PPP1R1C: variants seen among roughly 807,000 people sequenced by gnomAD.
PPP1R1C encodes protein phosphatase 1 regulatory subunit 1C.
PPP1R1C carries 15 observed loss-of-function variants against 17.4 expected under a neutral mutation model. The observed-to-expected ratio is 0.86, with a 90% CI of 0.58 to 1.33. PPP1R1C has a LOEUF of 1.33. PPP1R1C is among the 40% of genes most tolerant of loss of function. PPP1R1C has a pLI of 0.00. For missense variants in PPP1R1C, 143 were observed against 130.0 expected (o/e 1.10, Z -0.48); for synonymous variants, 35 against 43.1 (o/e 0.81, Z 0.73).
intron 2 of PPP1R1C, among the ~76,000 whole-genome samples, chr2:181,991,747 T>C (rs1335482623): frequency 6.6e-6 from 1 of 152,192 alleles, no homozygotes; most frequent in East Asian, 1.9e-4. Flanking sequence ...CCTCTTCTGA[T>C]TAAGGGCCTC....
intron 4 of PPP1R1C, among the ~76,000 whole-genome samples, chr2:182,075,744 C>T (rs1688278683): frequency 6.6e-6 from 1 of 152,196 alleles, no homozygotes; most frequent in East Asian, 1.9e-4. Context: ...ACAATTAACT[C>T]TATGCACTAC....
At chr2:182,092,286 A>G (rs548790106) in intron 4 of PPP1R1C, among the ~76,000 whole-genome samples, 51 of 152,296 alleles carry the variant, frequency 3.3e-4, no homozygotes, top group African/African-American at 1.1e-3. Context: ...TGTGAGACCC[A>G]TTCATAATCA....
At chr2:182,038,517 T>A (rs1439203253) in intron 2 of PPP1R1C, among the ~76,000 whole-genome samples, 1 of 152,156 alleles carries the variant, frequency 6.6e-6, no homozygotes, top group Non-Finnish European at 1.5e-5. Context: ...TGAAAAGATA[T>A]ATGTAGGCAT....
At chr2:181,964,274 A>C (rs1408929045) in intron 1 of PPP1R1C, among the ~76,000 whole-genome samples, 1 of 152,200 alleles carries the variant, frequency 6.6e-6, no homozygotes, top group Non-Finnish European at 1.5e-5. Flanking sequence ...AGTTCCATCC[A>C]TGCTGTTGCA....
intron 2 of PPP1R1C, among the ~76,000 whole-genome samples, chr2:182,043,478 G>C (rs987240123): frequency 3.3e-5 from 5 of 152,056 alleles, no homozygotes; most frequent in Admixed American, 2.0e-4. Context: ...AAAAATAGGA[G>C]AAAGCTCTAT....
At position 182,010,978 on chromosome 2, in the gene PPP1R1C, G is replaced by A. The variant is rs948110120; in HGVS notation, c.142+23079G>A. ...TGCATCCCTGGGATAAATCCCACTT[G>A]GTCATGATGAATAATCTTTTTAATG... On this transcript the variant is annotated intron_variant, in intron 2 of 4. Coordinates refer to ENST00000682840, the MANE Select transcript of PPP1R1C (RefSeq NM_001080545.3). Among the ~76,000 whole-genome samples, 4 of 152,190 alleles carry A rather than the reference G, an allele frequency of 2.6e-5. No homozygotes were observed. The Middle Eastern group carries it at 0.01, about 388-fold the overall frequency.
chr2:181,962,592 CG>C lies in PPP1R1C; in HGVS notation n.111+7961del, dbSNP rs59015135. 25,113 of 439,434 alleles carry C rather than the reference CG, an allele frequency of 0.057. 1,639 individuals are homozygous for C. The highest frequency in any genetic ancestry group is 0.2 in the African/African-American group (9,666 of 48,274). 27.2% of individuals were successfully genotyped at this position (439,434 alleles called of 1,614,324 possible). A position where few individuals can be genotyped will look rare whatever the true frequency, so the allele number is the denominator to read the frequency against. ...AGCTCAGATCGAACAAAGCAAAGAGCGGGAGGGGCCCTTGGGCCAAGTATCA... is the reference window on the plus strand; with the variant it reads ...AGCTCAGATCGAACAAAGCAAAGAGCGGAGGGGCCCTTGGGCCAAGTATCA... On this transcript the variant is annotated intron_variant and non_coding_transcript_variant, in intron 1 of 5. Coordinates refer to the PPP1R1C transcript ENST00000464264. This position sits in a 1 kb window ranked among gnomAD's most constrained non-coding sequence, Gnocchi z 6.0.
chr2:182,044,621 G>A (rs747885683), intron 2 of PPP1R1C, among the ~76,000 whole-genome samples: 10 of 152,054 alleles, frequency 6.6e-5, no homozygotes, highest in South Asian at 6.2e-4. Flanking sequence ...TCGCACACTC[G>A]GTGCTTCGTC....
rs1354717067 is a variant in PPP1R1C at position 181,976,356 on chromosome 2, C to T, written n.157+1092C>T. 6.6e-6 allele frequency among the ~76,000 whole-genome samples: 1 copy of T among 151,990 alleles called. No individual in the cohort carries two copies. Among genetic ancestry groups the T allele is most frequent in the Admixed American group, 6.6e-5 (1 of 15,252 alleles). ...GAAAATTATTTGGAAACCCTACCAACAACAGAGTTCTAGAAGTTACTCTGA... is the reference window on the plus strand; with the variant it reads ...GAAAATTATTTGGAAACCCTACCAATAACAGAGTTCTAGAAGTTACTCTGA... On this transcript the variant is annotated intron_variant and non_coding_transcript_variant, in intron 2 of 5. Transcript: ENST00000464264. This position sits in a 1 kb window ranked among gnomAD's most constrained non-coding sequence, Gnocchi z 4.8.
intron 4 of PPP1R1C, among the ~76,000 whole-genome samples, chr2:182,093,893 C>CT (rs544471903): frequency 2.7e-3 from 406 of 152,344 alleles, no homozygotes; most frequent in Non-Finnish European, 4.7e-3. Context: ...ATTTTCCTGT[C>CT]TTTTTCTGAG....
chr2:182,073,581 AT>A (rs998534345), intron 4 of PPP1R1C, among the ~76,000 whole-genome samples: 1 of 152,258 alleles, frequency 6.6e-6, no homozygotes, highest in African/African-American at 2.4e-5. Flanking sequence ...TATTTAAAAA[AT>A]TGTAACTTGT....
At chr2:182,035,999 A>C (rs1686992937) in intron 2 of PPP1R1C, among the ~76,000 whole-genome samples, 1 of 152,172 alleles carries the variant, frequency 6.6e-6, no homozygotes, top group African/African-American at 2.4e-5. Flanking sequence ...ATACACACAC[A>C]CACACACACA....
chr2:182,022,499 ACT>A (rs1303864539), intron 2 of PPP1R1C, among the ~76,000 whole-genome samples: 2 of 152,042 alleles, frequency 1.3e-5, no homozygotes, highest in Non-Finnish European at 2.9e-5. Context: ...AAAGAAATAG[ACT>A]CTATCCCAAC....
At chr2:182,042,713 G>GCCTTATA (rs1687222074) in intron 2 of PPP1R1C, among the ~76,000 whole-genome samples, 2 of 152,216 alleles carry the variant, frequency 1.3e-5, no homozygotes, top group Non-Finnish European at 2.9e-5. Context: ...GAATTGTAAT[G>GCCTTATA]CCTTATACCT....
At chr2:182,090,727 A>G (rs1042023424) in intron 4 of PPP1R1C, among the ~76,000 whole-genome samples, 5 of 152,204 alleles carry the variant, frequency 3.3e-5, no homozygotes, top group African/African-American at 1.2e-4. Flanking sequence ...TTGAACGTCA[A>G]GTGTTTTCAG....
chr2:181,962,389 G>C lies in PPP1R1C; in HGVS notation n.111+7755G>C. On this transcript the variant is annotated intron_variant and non_coding_transcript_variant, in intron 1 of 5. Transcript: ENST00000464264. The surrounding 1 kb of genome is among the most constrained non-coding windows in gnomAD (Gnocchi z 6.0). Reference sequence around the variant, plus strand: ...CGCCTGCATAGACGCTGGCCATGCAGCTGGCCGGCCGGGCGCCGTAGTTGG... The same window carrying C: ...CGCCTGCATAGACGCTGGCCATGCACCTGGCCGGCCGGGCGCCGTAGTTGG... 1.3e-6 allele frequency: 1 copy of C among 798,614 alleles called. No homozygotes were observed. Among genetic ancestry groups the C allele is most frequent in the Non-Finnish European group, 2.1e-6 (1 of 472,478 alleles). The allele number at this position is 798,614 out of a possible 1,614,324, so 49.5% of individuals were successfully genotyped here.
At chr2:182,107,504 G>C (rs910201874) in intron 4 of PPP1R1C, among the ~76,000 whole-genome samples, 4 of 152,094 alleles carry the variant, frequency 2.6e-5, no homozygotes, top group Non-Finnish European at 5.9e-5. Context: ...TTGTAGAGAC[G>C]GAACGAAAAA....
chr2:181,982,319 G>C (rs1032397996), upstream of PPP1R1C, among the ~76,000 whole-genome samples: 9 of 152,156 alleles, frequency 5.9e-5, no homozygotes, highest in African/African-American at 1.9e-4. Flanking sequence ...TAACAGCAAG[G>C]TGTAGGGCTT....
At chr2:181,954,725 G>A (rs1056132275) in intron 1 of PPP1R1C, 9 of 152,150 alleles carry the variant, frequency 5.9e-5, no homozygotes, top group African/African-American at 2.2e-4. Context: ...CCATGATCAG[G>A]AGCTGGGCTC....
Sources: gnomAD v4.1 joint callset for allele counts (sites outside exome capture counted in the v4.1 genomes callset) on GRCh38, gnomAD v4.1.1 for gene constraint, Gnocchi (gnomAD v3.1) non-coding constraint, MANE v1.5 for transcripts, NCBI Gene and HGNC (gene_info 2026-07-23, HGNC 2026-07-21) for gene names.